ZSCAN16: variants seen among roughly 807,000 people sequenced by gnomAD.
ZSCAN16 encodes zinc finger and SCAN domain containing 16, also known as zinc finger and SCAN domain-containing protein 16.
A neutral mutation model predicts 19.4 loss-of-function variants in ZSCAN16; 15 were observed. The observed-to-expected ratio is 0.77, with a 90% CI of 0.52 to 1.19. ZSCAN16 has a LOEUF of 1.19. Ranked by LOEUF, ZSCAN16 falls within the 50% of genes most tolerant of loss-of-function variation. The probability of loss-of-function intolerance (pLI) is 0.00; values close to 1 mark genes in which losing one functional copy is unlikely to be tolerated. For synonymous variants in ZSCAN16, 138 were observed against 146.5 expected, an observed-to-expected ratio of 0.94 and a Z score of 0.42; for missense variants, 327 against 415.7, an observed-to-expected ratio of 0.79 and a Z score of 1.86.
intron 3 of ZSCAN16, 73 bp from the exon 4 acceptor site, chr6:28,129,357 T>C: frequency 1.3e-6 from 2 of 1,508,618 alleles, no homozygotes; most frequent in Non-Finnish European, 1.8e-6. Flanking sequence ...CATTTACATG[T>C]TCTTTCTTCC....
intron 3 of ZSCAN16, among the ~76,000 whole-genome samples, chr6:28,128,033 T>C (rs1236731751): frequency 6.6e-6 from 1 of 152,220 alleles, no homozygotes; most frequent in African/African-American, 2.4e-5. Context: ...CATTTAATTA[T>C]ATGTAATGTA....
chr6:28,129,723 A>T lies in ZSCAN16; in HGVS notation c.820A>T (p.Ile274Phe). 1 of 1,614,170 alleles carries T rather than the reference A, an allele frequency of 6.2e-7. No individual in the cohort carries two copies. Among genetic ancestry groups the T allele is most frequent in the Non-Finnish European group, 8.5e-7 (1 of 1,180,014 alleles). ...YKCDECGKAF[I>F]QRSHLIGHHR... ...ATGTGATGAGTGTGGAAAAGCCTTC[A>T]TTCAGCGCTCACATCTCATTGGACA... The change falls in exon 4 of 4, where the codon ATT becomes TTT. Residue 274 changes from isoleucine to phenylalanine, a missense_variant. Coordinates refer to ENST00000340487, the MANE Select transcript of ZSCAN16 (RefSeq NM_025231.3).
chr6:28,126,754 A>T (rs773579823), intron 2 of ZSCAN16, 29 bp from the exon 3 acceptor site: 1 of 1,396,422 alleles, frequency 7.2e-7, no homozygotes, highest in Non-Finnish European at 9.4e-7. Context: ...TTTCCATAAA[A>T]TTCACCTTAC....
chr6:28,128,879 G>C (rs1764975991), intron 3 of ZSCAN16, among the ~76,000 whole-genome samples: 1 of 152,060 alleles, frequency 6.6e-6, no homozygotes, highest in South Asian at 2.1e-4. Context: ...ATGTTGTCAT[G>C]CTTCCTGCTT....
In ZSCAN16 at chr6:28,125,509, C is replaced by T. The variant is rs751738447; in HGVS notation, c.66C>T (p.Tyr22=). Residue 22 remains tyrosine (Y), a synonymous_variant, in exon 2 of 4, where the codon TAC becomes TAT. Transcript: ENST00000340487. The surrounding 1 kb of genome is among the most constrained non-coding windows in gnomAD (Gnocchi z 6.2). ...GLLIIKAEDH[Y]WGQDSSSQKC... ...TGATAATTAAGGCAGAGGACCATTA[C>T]TGGGGACAGGATTCCAGCTCACAAA... The T allele has an allele frequency of 4.2e-5, 67 of 1,614,082 alleles. No individual in the cohort carries two copies. The highest frequency in any genetic ancestry group is 5.5e-5 in the Non-Finnish European group (65 of 1,180,044).
At position 28,126,848 on chromosome 6, in the gene ZSCAN16, T is replaced by C; in HGVS notation, c.453T>C (p.Tyr151=). 6.3e-7 allele frequency: 1 copy of C among 1,591,910 alleles called. No individual in the cohort carries two copies. Among genetic ancestry groups the C allele is most frequent in the Non-Finnish European group, 8.6e-7 (1 of 1,165,590 alleles). Residue 151 remains tyrosine (Y), a synonymous_variant, in exon 3 of 4, where the codon TAT becomes TAC. Coordinates refer to ENST00000340487, the MANE Select transcript of ZSCAN16 (RefSeq NM_025231.3). ...AGTTGGCCCCCTTGGGAAGGCCATATGAATCACTGACTGTCCAGCTCCATC... is the reference window on the plus strand; with the variant it reads ...AGTTGGCCCCCTTGGGAAGGCCATACGAATCACTGACTGTCCAGCTCCATC... The part of the protein sequence containing the change: ...MDKLAPLGRP[Y]ESLTVQLHPK...
intron 3 of ZSCAN16, among the ~76,000 whole-genome samples, chr6:28,127,262 A>G (rs989448605): frequency 6.6e-6 from 1 of 152,216 alleles, no homozygotes; most frequent in Non-Finnish European, 1.5e-5. Context: ...GAGGCCTGTC[A>G]TACAGAATAC....
chr6:28,129,313 T>G (rs1764986543), intron 3 of ZSCAN16, 117 bp from the exon 4 acceptor site: 4 of 1,288,926 alleles, frequency 3.1e-6, no homozygotes, highest in Non-Finnish European at 4.2e-6. Context: ...GTGTGTTGTA[T>G]GTGACTTCTC....
Position 28,125,370 on chromosome 6 carries a change from T to A in ZSCAN16, c.-31-43T>A. 6.5e-7 allele frequency: 1 copy of A among 1,538,346 alleles called. No homozygotes were observed. The highest frequency in any genetic ancestry group is 8.7e-7 in the Non-Finnish European group (1 of 1,147,456). ...CAACTTTTTATGCCTTAGGAGTGTC[T>A]CTGAGGCAGGATTCTAAGAGATTCT... On this transcript the variant is annotated intron_variant, in intron 1 of 3. Coordinates refer to ENST00000340487, the MANE Select transcript of ZSCAN16 (RefSeq NM_025231.3). This position sits in a 1 kb window ranked among gnomAD's most constrained non-coding sequence, Gnocchi z 6.2.
At position 28,129,919 on chromosome 6, in the gene ZSCAN16, A is replaced by G; in HGVS notation, c.1016A>G (p.Gln339Arg). 6.3e-7 allele frequency: 1 copy of G among 1,599,418 alleles called. No individual in the cohort carries two copies. The highest frequency in any genetic ancestry group is 8.5e-7 in the Non-Finnish European group (1 of 1,173,972). Residue 339 changes from glutamine to arginine, a missense_variant, in exon 4 of 4, where the codon CAA becomes CGA. Gln to Arg is a conservative substitution (Grantham distance 43, BLOSUM62 1). Coordinates refer to ENST00000340487, the MANE Select transcript of ZSCAN16 (RefSeq NM_025231.3). ...FRVSSALIRHQRIHTANKLY is the reference protein window; with the variant it reads ...FRVSSALIRHRRIHTANKLY ...GTAAGTTCAGCTCTTATTAGACATC[A>G]AAGAATTCATACCGCAAATAAACTC...
chr6:28,124,801 C>G (rs1483218763), intron 1 of ZSCAN16, 124 bp downstream of exon 1: 1 of 152,574 alleles, frequency 6.6e-6, no homozygotes, highest in Non-Finnish European at 1.5e-5. Flanking sequence ...TCCCTCCGCC[C>G]CCCAACAGAT....
chr6:28,129,583 A>G lies in ZSCAN16; in HGVS notation c.680A>G (p.Glu227Gly). 1 of 1,614,190 alleles carries G rather than the reference A, an allele frequency of 6.2e-7. No homozygotes were observed. The highest frequency in any genetic ancestry group is 1.3e-5 in the African/African-American group (1 of 75,046). ...KDIIENEGRS[E>G]WQQRERRRYK... ...ATTATTGAAAATGAGGGCAGATCAG[A>G]ATGGCAACAGAGGGAAAGAAGACGA... Residue 227 changes from glutamate to glycine, a missense_variant, in exon 4 of 4, where the codon GAA becomes GGA. Coordinates refer to ENST00000340487, the MANE Select transcript of ZSCAN16 (RefSeq NM_025231.3).
chr6:28,129,731 C>G lies in ZSCAN16; in HGVS notation c.828C>G (p.Arg276=), dbSNP rs775305482. Reference sequence around the variant, plus strand: ...AGTGTGGAAAAGCCTTCATTCAGCGCTCACATCTCATTGGACATCATAGAG... The same window carrying G: ...AGTGTGGAAAAGCCTTCATTCAGCGGTCACATCTCATTGGACATCATAGAG... The part of the protein sequence containing the change: ...CDECGKAFIQ[R]SHLIGHHRVH... Residue 276 remains arginine, a synonymous_variant, in exon 4 of 4, where the codon CGC becomes CGG. Coordinates refer to ENST00000340487, the MANE Select transcript of ZSCAN16 (RefSeq NM_025231.3). 4.3e-6 allele frequency: 7 copies of G among 1,614,070 alleles called. No individual in the cohort carries two copies. The South Asian group carries it at 6.6e-5, about 15-fold the overall frequency.
Position 28,129,743 on chromosome 6 carries a change from T to C in ZSCAN16, c.840T>C (p.Ile280=), listed in dbSNP as rs750290493. Residue 280 remains isoleucine (I), a synonymous_variant, in exon 4 of 4, where the codon ATT becomes ATC. Coordinates refer to ENST00000340487, the MANE Select transcript of ZSCAN16 (RefSeq NM_025231.3). The stretch of plus-strand genomic sequence containing the variant: ...CCTTCATTCAGCGCTCACATCTCAT[T>C]GGACATCATAGAGTACACACGGGAG... ...GKAFIQRSHL[I]GHHRVHTGVK... The C allele has an allele frequency of 1.1e-5, 17 of 1,614,018 alleles. No homozygotes were observed. In the South Asian group the frequency reaches 1.9e-4, roughly 18 times the overall value.
chr6:28,129,629 GAA>G lies in ZSCAN16; in HGVS notation c.729_730del (p.Ser244PhefsTer4). On this transcript the variant is annotated frameshift_variant, in exon 4 of 4. Transcript: ENST00000340487. LOFTEE classifies it low-confidence loss of function (END_TRUNC). ...RRRYKCDECG[K>X]SFSHSSDLSK... is the part of the protein sequence containing the mutation. ...GACGATATAAATGTGATGAATGTGGGAAAAGTTTCAGTCATAGCTCAGACCTT... is the reference window on the plus strand; with the variant it reads ...GACGATATAAATGTGATGAATGTGGGAAGTTTCAGTCATAGCTCAGACCTT... The G allele has an allele frequency of 1.2e-6, 2 of 1,614,168 alleles. No homozygotes were observed. Among genetic ancestry groups the G allele is most frequent in the African/African-American group, 1.3e-5 (1 of 75,044 alleles).
At position 28,125,447 on chromosome 6, in the gene ZSCAN16, A is replaced by C; in HGVS notation, c.4A>C (p.Thr2Pro). 1 of 1,610,244 alleles carries C rather than the reference A, an allele frequency of 6.2e-7. No individual in the cohort carries two copies. The highest frequency in any genetic ancestry group is 1.3e-5 in the African/African-American group (1 of 74,830). ...AAATCTCCTGGCAAAGCCCAGAATG[A>C]CCACAGCCCTGGAACCTGAGGACCA... The part of the protein sequence containing the change: M[T>P]TALEPEDQKG... The change falls in exon 2 of 4, where the codon ACC (threonine) becomes CCC (proline). Residue 2 changes from threonine (T) to proline (P), a missense_variant. Transcript: ENST00000340487. The surrounding 1 kb of genome is among the most constrained non-coding windows in gnomAD (Gnocchi z 6.2).
Position 28,129,906 on chromosome 6 carries a change from C to G in ZSCAN16, c.1003C>G (p.Leu335Val). Residue 335 changes from leucine to valine, a missense_variant, in exon 4 of 4, where the codon CTT (leucine) becomes GTT (valine). Leu to Val is a conservative substitution (Grantham distance 32). Coordinates refer to ENST00000340487, the MANE Select transcript of ZSCAN16 (RefSeq NM_025231.3). ...CGRPFRVSSA[L>V]IRHQRIHTAN... Reference sequence around the variant, plus strand: ...AAGGCCTTTCCGAGTAAGTTCAGCTCTTATTAGACATCAAAGAATTCATAC... The same window carrying G: ...AAGGCCTTTCCGAGTAAGTTCAGCTGTTATTAGACATCAAAGAATTCATAC... The G allele has an allele frequency of 6.2e-7, 1 of 1,603,728 alleles. No homozygotes were observed. Among genetic ancestry groups the G allele is most frequent in the Non-Finnish European group, 8.5e-7 (1 of 1,176,444 alleles).
At position 28,126,679 on chromosome 6, in the gene ZSCAN16, T is replaced by C. The variant is rs146217729; in HGVS notation, c.388-104T>C. ...TTGCCATTTACAATGAAATGAGAAT[T>C]TGTCCCCCCTTTCTATGTCCCTGGA... On this transcript the variant is annotated intron_variant, in intron 2 of 3. Coordinates refer to ENST00000340487, the MANE Select transcript of ZSCAN16 (RefSeq NM_025231.3). The C allele has an allele frequency of 1.7e-3, 1,478 of 886,496 alleles. 10 individuals carry two copies. The highest frequency in any genetic ancestry group is 0.015 in the African/African-American group (882 of 58,364). The allele number at this position is 886,496 out of a possible 1,614,324, so 54.9% of individuals were successfully genotyped here.
At chr6:28,126,260 A>C (rs1379745167) in intron 2 of ZSCAN16, among the ~76,000 whole-genome samples, 1 of 143,554 alleles carries the variant, frequency 7.0e-6, no homozygotes, top group African/African-American at 2.7e-5. Context: ...ATTTTCTAGT[A>C]GCCACATTAA....
Sources: allele counts gnomAD v4.1 joint callset (sites outside exome capture counted in the v4.1 genomes callset), GRCh38; gene constraint gnomAD v4.1.1; non-coding constraint Gnocchi (gnomAD v3.1); transcripts MANE v1.5; gene names NCBI Gene and HGNC (gene_info 2026-07-23, HGNC 2026-07-21).